Variants in PPP2R2B observed in about 807,000 individuals in gnomAD.
PPP2R2B encodes serine/threonine-protein phosphatase 2A 55 kDa regulatory subunit B beta isoform.
In PPP2R2B, 5 loss-of-function variants were observed where a neutral mutation model predicts 46.0. That is an observed-to-expected ratio of 0.11 (90% CI 0.06 to 0.23). The LOEUF is 0.23. Ranked by LOEUF, PPP2R2B falls within the 10% of genes least tolerant of loss-of-function variation. The probability of loss-of-function intolerance (pLI) is 1.00; values close to 1 mark genes in which losing one functional copy is unlikely to be tolerated. For missense variants in PPP2R2B, 367 were observed against 575.0 expected (o/e 0.64, Z 3.70); for synonymous variants, 215 against 206.7 (o/e 1.04, Z -0.34).
At chr5:147,071,699 A>C (rs1405996761) in intron 2 of PPP2R2B, among the ~76,000 whole-genome samples, 1 of 152,066 alleles carries the variant, frequency 6.6e-6, no homozygotes, top group East Asian at 1.9e-4. Context: ...AGTCTTGACC[A>C]TCCTATTTAA....
intron 9 of PPP2R2B, chr5:146,592,250 G>A: frequency 2.8e-6 from 1 of 360,476 alleles, no homozygotes; most frequent in Non-Finnish European, 5.4e-6. Flanking sequence ...GAAACAGGTG[G>A]AGTGTGAGAG....
At chr5:146,639,048 C>A (rs186217621) in intron 6 of PPP2R2B, among the ~76,000 whole-genome samples, 18 of 152,288 alleles carry the variant, frequency 1.2e-4, no homozygotes, top group African/African-American at 4.1e-4. Flanking sequence ...TCCTTATCCT[C>A]ATTTTTTCAG....
At chr5:146,707,958 T>C (rs766474272) in intron 2 of PPP2R2B, among the ~76,000 whole-genome samples, 1 of 152,226 alleles carries the variant, frequency 6.6e-6, no homozygotes, top group Non-Finnish European at 1.5e-5. Context: ...TAACCATAAA[T>C]ACTTGAACAA....
At chr5:146,756,647 T>TA (rs1753849122) in intron 2 of PPP2R2B, among the ~76,000 whole-genome samples, 1 of 152,216 alleles carries the variant, frequency 6.6e-6, no homozygotes, top group African/African-American at 2.4e-5. Flanking sequence ...TAAAACCCTT[T>TA]AACTTATCAG....
chr5:146,874,010 C>T (rs369841298), intron 2 of PPP2R2B, among the ~76,000 whole-genome samples: 1 of 152,282 alleles, frequency 6.6e-6, no homozygotes, highest in Admixed American at 6.5e-5. Flanking sequence ...ACCTAAAATG[C>T]TTTCAGGTCT....
At chr5:146,995,636 T>C (rs1753890923) in intron 1 of PPP2R2B, among the ~76,000 whole-genome samples, 1 of 152,238 alleles carries the variant, frequency 6.6e-6, no homozygotes, top group Admixed American at 6.5e-5. Context: ...TGCTACTACA[T>C]GCCAGGATTG....
At chr5:147,063,865 A>G (rs1221512877) in intron 2 of PPP2R2B, among the ~76,000 whole-genome samples, 1 of 152,226 alleles carries the variant, frequency 6.6e-6, no homozygotes, top group African/African-American at 2.4e-5. Flanking sequence ...GCTAACACTT[A>G]GAGATACAGA....
chr5:146,665,723 C>T (rs889877239), intron 5 of PPP2R2B, among the ~76,000 whole-genome samples: 46 of 152,232 alleles, frequency 3.0e-4, no homozygotes, highest in African/African-American at 1.0e-3. Flanking sequence ...GTCTTCCTCA[C>T]TAAGCTTAAT....
At chr5:146,777,367 CAAAAAG>C (rs573914558) in intron 2 of PPP2R2B, among the ~76,000 whole-genome samples, 271 of 152,080 alleles carry the variant, frequency 1.8e-3, no homozygotes, top group African/African-American at 6.3e-3. Flanking sequence ...AAGTTACACA[CAAAAAG>C]ACAATTATTG....
In PPP2R2B at chr5:146,788,932, C is replaced by A. The variant is rs374089217; in HGVS notation, c.71-87790G>T. ...CAAATCAATCTTGCTCACTGTTGTA[C>A]CCCAGCACCTGGCACAAACATTGGT... On this transcript the variant is annotated intron_variant, in intron 2 of 9. Transcript: ENST00000394411. 3.5e-3 allele frequency among the ~76,000 whole-genome samples: 530 copies of A among 152,228 alleles called. 5 individuals carry two copies. Among genetic ancestry groups the A allele is most frequent in the South Asian group, 9.1e-3 (44 of 4,812 alleles).
intron 2 of PPP2R2B, among the ~76,000 whole-genome samples, chr5:146,800,260 T>C (rs568210360): frequency 9.9e-5 from 15 of 152,122 alleles, no homozygotes; most frequent in Non-Finnish European, 2.1e-4. Flanking sequence ...ACTGATTACC[T>C]ATCTATGGAT....
intron 1 of PPP2R2B, among the ~76,000 whole-genome samples, chr5:146,985,957 G>C (rs972096806): frequency 2.0e-5 from 3 of 152,110 alleles, no homozygotes; most frequent in Non-Finnish European, 4.4e-5. Context: ...ACAGGAAAAG[G>C]TAGAGCAAGA....
At chr5:146,939,935 A>G (rs906206441) in intron 1 of PPP2R2B, among the ~76,000 whole-genome samples, 12 of 152,082 alleles carry the variant, frequency 7.9e-5, no homozygotes, top group African/African-American at 2.2e-4. Context: ...TTGGCTTGTC[A>G]TTGCTTTTTG....
Position 146,989,753 on chromosome 5 carries a change from T to A in PPP2R2B, c.79+65912A>T, listed in dbSNP as rs551528374. ...TACTGAATATTCTAGCCAAAGCAAG[T>A]AGGCAAGAGAAAGAAACAAAGGGCA... On this transcript the variant is annotated intron_variant, in intron 1 of 8. Coordinates refer to the PPP2R2B transcript ENST00000336640. 3.9e-5 allele frequency among the ~76,000 whole-genome samples: 6 copies of A among 152,086 alleles called. No individual in the cohort carries two copies. The East Asian group carries it at 1.2e-3, about 29-fold the overall frequency.
intron 1 of PPP2R2B, among the ~76,000 whole-genome samples, chr5:146,928,280 A>AT (rs1010727067): frequency 6.6e-6 from 1 of 151,652 alleles, no homozygotes; most frequent in African/African-American, 2.4e-5. Context: ...TTATATATAT[A>AT]TTTTTTTAGA....
At chr5:146,898,093 G>C (rs1762705261) in intron 1 of PPP2R2B, among the ~76,000 whole-genome samples, 1 of 152,218 alleles carries the variant, frequency 6.6e-6, no homozygotes, top group African/African-American at 2.4e-5. Context: ...GCTGAGGCAG[G>C]AGAGTCTCTT....
chr5:146,771,824 G>C (rs1157513428), intron 2 of PPP2R2B, among the ~76,000 whole-genome samples: 1 of 152,176 alleles, frequency 6.6e-6, no homozygotes, highest in African/African-American at 2.4e-5. Flanking sequence ...TGCAATGTGG[G>C]TGGGGATGAG....
chr5:146,971,124 T>C (rs948580605), intron 1 of PPP2R2B, among the ~76,000 whole-genome samples: 2 of 152,206 alleles, frequency 1.3e-5, no homozygotes, highest in African/African-American at 4.8e-5. Flanking sequence ...TTGCTCCTAG[T>C]TGTACAAAGA....
At chr5:146,934,221 G>A (rs1172522060) in intron 1 of PPP2R2B, among the ~76,000 whole-genome samples, 1 of 151,660 alleles carries the variant, frequency 6.6e-6, no homozygotes, top group Admixed American at 6.6e-5. Flanking sequence ...TGGGTCAAAT[G>A]GTATTTCTAG....
Sources: gnomAD v4.1 joint callset for allele counts (sites outside exome capture counted in the v4.1 genomes callset) on GRCh38, gnomAD v4.1.1 for gene constraint, MANE v1.5 for transcripts, NCBI Gene and HGNC (gene_info 2026-07-23, HGNC 2026-07-21) for gene names.